RYR3: variants seen among roughly 807,000 people sequenced by gnomAD.
The protein encoded by RYR3 is ryanodine receptor 3, also known as brain ryanodine receptor-calcium release channel.
A neutral mutation model predicts 584.3 loss-of-function variants in RYR3; 207 were observed. The ratio of observed to expected loss-of-function variants is 0.35; its 90% CI spans 0.32 to 0.40. RYR3 has a LOEUF of 0.40. RYR3 is among the 10% of genes least tolerant of loss of function. The probability of loss-of-function intolerance (pLI) is 1.00; values close to 1 mark genes in which losing one functional copy is unlikely to be tolerated. For synonymous variants in RYR3, 2,416 were observed against 2,248.5 expected (o/e 1.07, Z -2.11); for missense variants, 5,616 against 6,089.2 (o/e 0.92, Z 2.59).
chr15:33,454,942 T>C (rs2047424046), intron 1 of RYR3, among the ~76,000 whole-genome samples: 1 of 151,764 alleles, frequency 6.6e-6, no homozygotes, highest in Non-Finnish European at 1.5e-5. Flanking sequence ...TATGGAAGAG[T>C]TTTAAGCAAT....
chr15:33,638,188 G>C (rs867737456), intron 27 of RYR3, among the ~76,000 whole-genome samples: 3 of 152,168 alleles, frequency 2.0e-5, no homozygotes, highest in Non-Finnish European at 4.4e-5. Flanking sequence ...TTGCAGACAG[G>C]TGAGAATGAT....
chr15:33,468,484 T>C (rs1177591242), intron 1 of RYR3, among the ~76,000 whole-genome samples: 2 of 152,222 alleles, frequency 1.3e-5, no homozygotes, highest in Non-Finnish European at 2.9e-5. Flanking sequence ...TTATTTTAAA[T>C]GCCAGCATCT....
Position 33,339,220 on chromosome 15 carries a change from G to A in RYR3, c.51+28124G>A, listed in dbSNP as rs146820223. 8.0e-3 allele frequency among the ~76,000 whole-genome samples: 1,217 copies of A among 152,372 alleles called. 24 individuals are homozygous for A. Among genetic ancestry groups the A allele is most frequent in the African/African-American group, 0.028 (1,144 of 41,582 alleles). The stretch of plus-strand genomic sequence containing the variant: ...GCCGTGGGACTGGAGAGGTGTGGCT[G>A]CTACTGCAGCCTGCTGAGGTGGCAG... On this transcript the variant is annotated intron_variant, in intron 1 of 103. Transcript: ENST00000634891.
At chr15:33,366,918 G>T (rs1180523850) in intron 1 of RYR3, among the ~76,000 whole-genome samples, 1 of 152,184 alleles carries the variant, frequency 6.6e-6, no homozygotes, top group African/African-American at 2.4e-5. Flanking sequence ...ATACCACACA[G>T]GAGGAAAAGA....
chr15:33,750,440 A>T (rs962080772), intron 57 of RYR3, among the ~76,000 whole-genome samples, 154 bp downstream of exon 57: 3 of 152,174 alleles, frequency 2.0e-5, no homozygotes, highest in Non-Finnish European at 4.4e-5. Flanking sequence ...TCTTTTTTTG[A>T]TATAAGCAGA....
In RYR3 at chr15:33,601,119, C is replaced by G. The variant is rs974917519; in HGVS notation, c.1789-300C>G. On this transcript the variant is annotated intron_variant, in intron 16 of 103. Transcript: ENST00000634891. ...ACAGTCTGTCTTCAGAGCACAGCCT[C>G]TTACTTACTGTAATAGAGCAATGGC... 2.6e-5 allele frequency among the ~76,000 whole-genome samples: 4 copies of G among 152,256 alleles called. No individual in the cohort carries two copies. The South Asian group carries it at 8.3e-4, about 32-fold the overall frequency.
At position 33,418,159 on chromosome 15, in the gene RYR3, C is replaced by T. The variant is rs573068488; in HGVS notation, c.52-55260C>T. On this transcript the variant is annotated intron_variant, in intron 1 of 103. Transcript: ENST00000634891. ...GGATAGTTTTGTTATTGTTTCTTTGCCAGATTTGGGTATCAGAATGACACT... is the reference window on the plus strand; with the variant it reads ...GGATAGTTTTGTTATTGTTTCTTTGTCAGATTTGGGTATCAGAATGACACT... 3.9e-5 allele frequency among the ~76,000 whole-genome samples: 6 copies of T among 152,086 alleles called. No homozygotes were observed. In the South Asian group the frequency reaches 1.3e-3, roughly 32 times the overall value.
chr15:33,820,957 G>C (rs894914968), intron 78 of RYR3, 145 bp downstream of exon 78: 2 of 91,054 alleles, frequency 2.2e-5, no homozygotes, highest in Non-Finnish European at 3.3e-5. Flanking sequence ...AGGTTTCCCT[G>C]TGTAACAGAA....
At chr15:33,441,828 A>G (rs1180279997) in intron 1 of RYR3, among the ~76,000 whole-genome samples, 1 of 152,210 alleles carries the variant, frequency 6.6e-6, no homozygotes, top group Non-Finnish European at 1.5e-5. Flanking sequence ...TGGTTGCTGT[A>G]TTGGATTTCA....
At chr15:33,717,714 G>C (rs1444752797) in intron 43 of RYR3, among the ~76,000 whole-genome samples, 2 of 152,128 alleles carry the variant, frequency 1.3e-5, no homozygotes, top group Non-Finnish European at 2.9e-5. Flanking sequence ...CAAGGTGGTG[G>C]GAAAGCTCTG....
chr15:33,623,714 G>C, intron 19 of RYR3, 93 bp from the exon 20 acceptor site: 2 of 865,996 alleles, frequency 2.3e-6, no homozygotes, highest in South Asian at 1.6e-5. Flanking sequence ...TTATGTTGAG[G>C]GTGGGAGGTA....
chr15:33,397,116 A>G (rs2042345049), intron 1 of RYR3, among the ~76,000 whole-genome samples: 1 of 152,210 alleles, frequency 6.6e-6, no homozygotes, highest in Non-Finnish European at 1.5e-5. Context: ...TTAGAAAAGG[A>G]GAAGAAAGAA....
rs533812650 is a variant in RYR3 at position 33,630,902 on chromosome 15, G to A, written c.2784-308G>A. Reference sequence around the variant, plus strand: ...CTAAATCGGGAGTTGACAAATTATGGCCCATGGGACAATCAGACCAGCTAC... The same window carrying A: ...CTAAATCGGGAGTTGACAAATTATGACCCATGGGACAATCAGACCAGCTAC... On this transcript the variant is annotated intron_variant, in intron 22 of 103. Transcript: ENST00000634891. 2.6e-4 allele frequency among the ~76,000 whole-genome samples: 40 copies of A among 152,250 alleles called. 1 individual carries two copies. Among genetic ancestry groups the A allele is most frequent in the African/African-American group, 9.4e-4 (39 of 41,550 alleles).
intron 60 of RYR3, among the ~76,000 whole-genome samples, chr15:33,758,557 A>G (rs941311612): frequency 6.6e-6 from 1 of 152,218 alleles, no homozygotes; most frequent in Admixed American, 6.5e-5. Flanking sequence ...AACGCACCAC[A>G]GCACGGCAAA....
intron 3 of RYR3, among the ~76,000 whole-genome samples, chr15:33,511,817 C>A (rs1274877610): frequency 6.6e-6 from 1 of 152,180 alleles, no homozygotes; most frequent in Non-Finnish European, 1.5e-5. Flanking sequence ...CTCGCTCTGT[C>A]GCCCAGGCTG....
At chr15:33,578,982 TTC>T (rs778930640) in intron 12 of RYR3, among the ~76,000 whole-genome samples, 1 of 152,168 alleles carries the variant, frequency 6.6e-6, no homozygotes, top group Non-Finnish European at 1.5e-5. Context: ...GTGCTTTGTA[TTC>T]TCTCTGTGTT....
intron 36 of RYR3, among the ~76,000 whole-genome samples, chr15:33,665,814 C>T (rs12324020): frequency 0.023 from 3,560 of 152,298 alleles, 148 homozygotes; most frequent in African/African-American, 0.08. Context: ...TCTCATTTTA[C>T]ATCTAGCAAA....
chr15:33,562,891 G>A lies in RYR3; in HGVS notation c.1027G>A (p.Val343Ile), dbSNP rs1319832024. 6.2e-6 allele frequency: 10 copies of A among 1,613,398 alleles called. No individual in the cohort carries two copies. The highest frequency in any genetic ancestry group is 8.5e-6 in the Non-Finnish European group (10 of 1,179,370). The change falls in exon 11 of 104, where the codon GTT becomes ATT. Residue 343 changes from valine to isoleucine, a missense_variant. By Grantham distance (29) the Val-to-Ile change is conservative (BLOSUM62 3). Transcript: ENST00000634891. ...CAAGCGAGACATAGAAGGCATGGGA[G>A]TTCCAGAAATCAAGTATGGAGATTC... is the stretch of plus-strand genomic sequence containing the variant. ...SHKRDIEGMG[V>I]PEIKYGDSVC...
intron 3 of RYR3, among the ~76,000 whole-genome samples, chr15:33,510,154 T>C (rs2052848531): frequency 6.6e-6 from 1 of 152,246 alleles, no homozygotes; most frequent in Non-Finnish European, 1.5e-5. Flanking sequence ...ACAGATGTAC[T>C]CCTGGCAGGC....
Sources: gnomAD v4.1 joint callset for allele counts (sites outside exome capture counted in the v4.1 genomes callset) on GRCh38, gnomAD v4.1.1 for gene constraint, MANE v1.5 for transcripts, NCBI Gene and HGNC (gene_info 2026-07-23, HGNC 2026-07-21) for gene names.